SIN3A: variants seen among roughly 807,000 people sequenced by gnomAD.
SIN3A encodes SIN3 transcription regulator family member A.
SIN3A carries 14 observed loss-of-function variants against 146.1 expected under a neutral mutation model. The observed-to-expected ratio is 0.10, with a 90% CI of 0.06 to 0.15. SIN3A has a LOEUF of 0.15. Among genes scored for constraint, SIN3A ranks in the 10% least tolerant of loss-of-function variants. The pLI, the probability that SIN3A is intolerant of heterozygous loss-of-function variation, is 1.00. For missense variants in SIN3A, 1,028 were observed against 1,576.0 expected (o/e 0.65, Z 5.89); for synonymous variants, 572 against 572.0 (o/e 1.00, Z 0.00).
rs1278387823 is a variant in SIN3A at position 75,394,686 on chromosome 15, A to G, written c.2271T>C (p.Tyr757=). The change falls in exon 14 of 21, where the codon TAT becomes TAC. Residue 757 remains tyrosine, a synonymous_variant. Coordinates refer to ENST00000394947, the MANE Select transcript of SIN3A (RefSeq NM_001145358.2). ...GCAGAAACCCCCCGCTCACCTCATC[A>G]TAGATACTCTCAATCTCATTGAGTA... ...KSLLNEIESI[Y]DERQEQATEE... 2 of 1,611,790 alleles carry G rather than the reference A, an allele frequency of 1.2e-6. No individual in the cohort carries two copies. The highest frequency in any genetic ancestry group is 1.1e-5 in the South Asian group (1 of 90,668).
At chr15:75,416,447 T>G (rs535221216) in intron 3 of SIN3A, among the ~76,000 whole-genome samples, 2 of 152,212 alleles carry the variant, frequency 1.3e-5, no homozygotes, top group Non-Finnish European at 2.9e-5. Flanking sequence ...TGCCTCAGCC[T>G]CCTGAGTAGC....
chr15:75,409,179 G>A (rs1185789320), intron 8 of SIN3A, among the ~76,000 whole-genome samples: 4 of 151,756 alleles, frequency 2.6e-5, no homozygotes, highest in Non-Finnish European at 5.9e-5. Flanking sequence ...ACTCCAGCCT[G>A]GGCGACAGAG....
rs750007834 is a variant in SIN3A at position 75,396,502 on chromosome 15, G to T, written c.1855-6C>A. On this transcript the variant is annotated splice_polypyrimidine_tract_variant and splice_region_variant and intron_variant, in intron 12 of 20. Coordinates refer to ENST00000394947, the MANE Select transcript of SIN3A (RefSeq NM_001145358.2). ...GTCTCTAAAACTACATCAAGCTGAA[G>T]AGGAAGACAAAGAAGGGTATGCTCA... 1.2e-6 allele frequency: 2 copies of T among 1,600,660 alleles called. No homozygotes were observed. Among genetic ancestry groups the T allele is most frequent in the Non-Finnish European group, 1.7e-6 (2 of 1,168,784 alleles).
intron 19 of SIN3A, among the ~76,000 whole-genome samples, chr15:75,379,191 C>T (rs1469958330): frequency 6.6e-6 from 1 of 152,140 alleles, no homozygotes; most frequent in South Asian, 2.1e-4. Flanking sequence ...AGCCACTGCG[C>T]CCAGCCCAAT....
chr15:75,410,390 G>A, intron 6 of SIN3A, 104 bp from the exon 7 acceptor site: 1 of 1,161,756 alleles, frequency 8.6e-7, no homozygotes, highest in Non-Finnish European at 1.2e-6. Flanking sequence ...CTGCATGTAA[G>A]AAGAAAGTCT....
intron 1 of SIN3A, among the ~76,000 whole-genome samples, chr15:75,441,946 C>T (rs893443643): frequency 1.3e-5 from 2 of 151,572 alleles, no homozygotes; most frequent in African/African-American, 4.8e-5. Context: ...CGGTGAAACC[C>T]CATCTGTACC....
intron 20 of SIN3A, among the ~76,000 whole-genome samples, chr15:75,373,411 C>T (rs2072791789): frequency 6.6e-6 from 1 of 152,062 alleles, no homozygotes; most frequent in Non-Finnish European, 1.5e-5. Context: ...AGCGCAGGGC[C>T]ACTGATAGGC....
chr15:75,395,329 A>C (rs2073282074), intron 13 of SIN3A, among the ~76,000 whole-genome samples: 1 of 150,434 alleles, frequency 6.6e-6, no homozygotes, highest in Non-Finnish European at 1.5e-5. Flanking sequence ...AGACTAAGAC[A>C]AAAAAAAGCA....
At chr15:75,380,840 C>CA (rs1226036942) in intron 18 of SIN3A, 117 bp from the exon 19 acceptor site, 7 of 698,692 alleles carry the variant, frequency 1.0e-5, no homozygotes, top group Non-Finnish European at 1.8e-5. Flanking sequence ...ATTTCAAGAT[C>CA]AAAAAAGTCC....
rs1271851400 is a variant in SIN3A, at chr15:75,401,913, T to C, written c.1465A>G (p.Ile489Val). The change falls in exon 10 of 21, where the codon ATT becomes GTT. Residue 489 changes from isoleucine (I) to valine (V), a missense_variant. This residue lies in a region of SIN3A where 157 missense variants were observed against 284.8 expected (regional missense o/e 0.55). Coordinates refer to ENST00000394947, the MANE Select transcript of SIN3A (RefSeq NM_001145358.2). ...AYENFLRCLVIFNQEVISRAE... is the reference protein window; with the variant it reads ...AYENFLRCLVVFNQEVISRAE... The stretch of plus-strand genomic sequence containing the variant: ...CGAGAGATCACCTCCTGGTTAAAAA[T>C]AACAAGACAGCGTAGGAAATTTTCG... 2 of 1,614,048 alleles carry C rather than the reference T, an allele frequency of 1.2e-6. No homozygotes were observed. The highest frequency in any genetic ancestry group is 8.5e-7 in the Non-Finnish European group (1 of 1,179,948).
chr15:75,440,023 C>T (rs745409590), intron 1 of SIN3A, among the ~76,000 whole-genome samples: 33 of 151,342 alleles, frequency 2.2e-4, no homozygotes, highest in East Asian at 4.0e-4. Flanking sequence ...TGGTAGCGGG[C>T]GCCTGTAATC....
At chr15:75,406,543 C>G (rs527288018) in intron 9 of SIN3A, among the ~76,000 whole-genome samples, 3 of 152,126 alleles carry the variant, frequency 2.0e-5, no homozygotes, top group Non-Finnish European at 4.4e-5. Context: ...AAAAATTAGC[C>G]GGGCGAGGTG....
intron 1 of SIN3A, among the ~76,000 whole-genome samples, chr15:75,450,926 C>G (rs1464895597): frequency 2.6e-5 from 4 of 152,166 alleles, no homozygotes; most frequent in Non-Finnish European, 5.9e-5. Context: ...ATCAGTACGG[C>G]CCCTCCGGCC....
intron 9 of SIN3A, among the ~76,000 whole-genome samples, chr15:75,405,060 T>G (rs2073484284): frequency 6.6e-6 from 1 of 151,588 alleles, no homozygotes; most frequent in Non-Finnish European, 1.5e-5. Context: ...GAAGGATCAC[T>G]TGAGCCCATC....
intron 6 of SIN3A, 21 bp from the exon 7 acceptor site, chr15:75,410,307 A>G (rs1567365439): frequency 6.2e-7 from 1 of 1,609,306 alleles, no homozygotes; most frequent in South Asian, 1.1e-5. Context: ...GCAAATGAAA[A>G]GAGATCATTT....
chr15:75,373,835 C>G (rs961271615), intron 20 of SIN3A, among the ~76,000 whole-genome samples: 5 of 151,888 alleles, frequency 3.3e-5, no homozygotes, highest in Non-Finnish European at 7.4e-5. Flanking sequence ...TATCAGTAAG[C>G]CTTCCAGTCA....
intron 9 of SIN3A, among the ~76,000 whole-genome samples, chr15:75,403,430 CA>C (rs906043449): frequency 4.8e-5 from 7 of 144,342 alleles, no homozygotes; most frequent in African/African-American, 5.1e-5. Context: ...AACTCCGTCT[CA>C]AAAAAAAAAT....
At chr15:75,381,504 A>T (rs1329618954) in intron 18 of SIN3A, 109 bp downstream of exon 18, 5 of 773,800 alleles carry the variant, frequency 6.5e-6, no homozygotes, top group Admixed American at 2.3e-5. Context: ...CCTGACCCTT[A>T]AACAGGCCTG....
At chr15:75,429,378 G>A (rs1036864325) in intron 2 of SIN3A, among the ~76,000 whole-genome samples, 4 of 152,142 alleles carry the variant, frequency 2.6e-5, no homozygotes. Context: ...AGTCATGATC[G>A]CACCACTACA....
Sources: allele counts gnomAD v4.1 joint callset (sites outside exome capture counted in the v4.1 genomes callset), GRCh38; gene constraint gnomAD v4.1.1; regional missense constraint gnomAD v4.1.1; transcripts MANE v1.5; gene names NCBI Gene and HGNC (gene_info 2026-07-23, HGNC 2026-07-21).